Variants in BICC1 observed in about 807,000 individuals in gnomAD.
The protein encoded by BICC1 is protein bicaudal C homolog 1.
A neutral mutation model predicts 111.0 loss-of-function variants in BICC1; 43 were observed. The observed-to-expected ratio is 0.39, with a 90% CI of 0.30 to 0.50. The LOEUF is 0.50. BICC1 is among the 20% of genes least tolerant of loss of function. BICC1 has a pLI of 0.88. For missense variants in BICC1, 1,091 were observed against 1,203.2 expected (o/e 0.91, Z 1.38); for synonymous variants, 467 against 434.4 (o/e 1.07, Z -0.93).
intron 17 of BICC1, among the ~76,000 whole-genome samples, chr10:58,808,075 C>CTTTT (rs112775737): frequency 1.5e-3 from 213 of 142,746 alleles, no homozygotes; most frequent in African/African-American, 4.8e-3. Flanking sequence ...AAACATGCTG[C>CTTTT]TTTTTTTTTT....
intron 1 of BICC1, among the ~76,000 whole-genome samples, chr10:58,606,612 C>G (rs978213618): frequency 1.3e-5 from 2 of 152,076 alleles, no homozygotes; most frequent in Admixed American, 6.5e-5. Flanking sequence ...AAGCTTTACT[C>G]TCTTGTCATA....
chr10:58,646,902 C>G (rs1282347365), intron 2 of BICC1, among the ~76,000 whole-genome samples: 1 of 151,918 alleles, frequency 6.6e-6, no homozygotes, highest in Non-Finnish European at 1.5e-5. Context: ...GGAAACATAG[C>G]CTTTTTCCTT....
chr10:58,595,101 A>C (rs562401630), intron 1 of BICC1, among the ~76,000 whole-genome samples: 180 of 152,184 alleles, frequency 1.2e-3, no homozygotes, highest in Non-Finnish European at 2.3e-3. Context: ...TTAAACCAAC[A>C]AAGATCAAAA....
At chr10:58,610,243 AGAT>A (rs1215920412) in intron 1 of BICC1, among the ~76,000 whole-genome samples, 1 of 152,182 alleles carries the variant, frequency 6.6e-6, no homozygotes, top group African/African-American at 2.4e-5. Flanking sequence ...AAAATCCCCT[AGAT>A]GAGAGAATGC....
intron 2 of BICC1, among the ~76,000 whole-genome samples, chr10:58,683,029 G>A (rs1330502208): frequency 6.6e-6 from 1 of 152,224 alleles, no homozygotes; most frequent in Admixed American, 6.5e-5. Flanking sequence ...TAACAATTAA[G>A]TCTTTAATCC....
chr10:58,517,543 G>C (rs1459996587), intron 1 of BICC1, among the ~76,000 whole-genome samples: 2 of 152,156 alleles, frequency 1.3e-5, no homozygotes, highest in African/African-American at 4.8e-5. Context: ...TGAAAGTGAA[G>C]ATAAAGAGTA....
At chr10:58,658,256 C>G (rs1426449712) in intron 2 of BICC1, among the ~76,000 whole-genome samples, 2 of 152,118 alleles carry the variant, frequency 1.3e-5, no homozygotes, top group African/African-American at 4.8e-5. Flanking sequence ...GGTGTGATCT[C>G]TGTTCACTGC....
chr10:58,518,965 T>C (rs1842319509), intron 1 of BICC1, among the ~76,000 whole-genome samples: 1 of 152,184 alleles, frequency 6.6e-6, no homozygotes, highest in South Asian at 2.1e-4. Flanking sequence ...AGGTTTGTTA[T>C]ACCAATGACT....
intron 2 of BICC1, among the ~76,000 whole-genome samples, chr10:58,691,013 A>AG (rs1403847713): frequency 6.6e-6 from 1 of 152,176 alleles, no homozygotes; most frequent in Non-Finnish European, 1.5e-5. Context: ...CGACATAAGA[A>AG]GGTGTACATA....
intron 3 of BICC1, among the ~76,000 whole-genome samples, chr10:58,714,858 A>G (rs1315165190): frequency 6.6e-6 from 1 of 150,472 alleles, no homozygotes; most frequent in African/African-American, 2.5e-5. Context: ...ACTGTGTGGC[A>G]TTTCTCATTA....
At chr10:58,548,085 G>A (rs1209885891) in intron 1 of BICC1, among the ~76,000 whole-genome samples, 1 of 152,166 alleles carries the variant, frequency 6.6e-6, no homozygotes, top group Non-Finnish European at 1.5e-5. Context: ...ATAAATATTT[G>A]TATTTGTGTC....
chr10:58,668,582 G>C (rs550335288), intron 2 of BICC1, among the ~76,000 whole-genome samples: 1 of 152,224 alleles, frequency 6.6e-6, no homozygotes, highest in Admixed American at 6.5e-5. Context: ...AATGGACATA[G>C]CATGTGACTA....
chr10:58,806,979 C>T (rs1367979450), intron 16 of BICC1, 25 bp from the exon 17 acceptor site: 3 of 1,599,352 alleles, frequency 1.9e-6, no homozygotes, highest in Non-Finnish European at 2.6e-6. Flanking sequence ...ACATACCAAG[C>T]ATTGGTTTTA....
rs1372598457 is a variant in BICC1 at position 58,523,365 on chromosome 10, T to G, written c.190+10032T>G. On this transcript the variant is annotated intron_variant, in intron 1 of 20. Coordinates refer to ENST00000373886, the MANE Select transcript of BICC1 (RefSeq NM_001080512.3). The stretch of plus-strand genomic sequence containing the variant: ...AAAAGCTTATCCACCACGATCAAGT[T>G]GGCTTCATCCCTGGGATTCAAGGCT... Among the ~76,000 whole-genome samples the G allele has an allele frequency of 3.4e-4, 52 of 152,244 alleles. 1 individual carries two copies. The South Asian group carries it at 0.011, about 31-fold the overall frequency.
rs1376323949 is a variant in BICC1, at chr10:58,517,169, G to GT, written c.190+3837dup. ...ATCCCTTCTTTCAGTAGAGAAAATG[G>GT]TAAGTGTTAAAAAGTGGGACCTGTG... On this transcript the variant is annotated intron_variant, in intron 1 of 20. Coordinates refer to ENST00000373886, the MANE Select transcript of BICC1 (RefSeq NM_001080512.3). Among the ~76,000 whole-genome samples the GT allele has an allele frequency of 6.6e-5, 10 of 152,222 alleles. No homozygotes were observed. The East Asian group carries it at 1.9e-3, about 29-fold the overall frequency.
chr10:58,734,588 A>G (rs1254302878), intron 3 of BICC1, among the ~76,000 whole-genome samples: 1 of 152,206 alleles, frequency 6.6e-6, no homozygotes, highest in Non-Finnish European at 1.5e-5. Flanking sequence ...CTTTGTCAAC[A>G]TAATTTTGGG....
At chr10:58,680,900 C>G (rs993823712) in intron 2 of BICC1, among the ~76,000 whole-genome samples, 2 of 152,164 alleles carry the variant, frequency 1.3e-5, no homozygotes, top group Admixed American at 1.3e-4. Context: ...TTTGACAAAC[C>G]TGACAAAAAC....
intron 10 of BICC1, among the ~76,000 whole-genome samples, chr10:58,797,378 A>G (rs1843390050): frequency 6.6e-6 from 1 of 152,124 alleles, no homozygotes; most frequent in South Asian, 2.1e-4. Flanking sequence ...TTTTTTTCCA[A>G]TAGCTATTCT....
intron 9 of BICC1, among the ~76,000 whole-genome samples, chr10:58,795,781 T>C (rs1295851291): frequency 6.6e-6 from 1 of 152,142 alleles, no homozygotes; most frequent in Non-Finnish European, 1.5e-5. Flanking sequence ...TTGCCATAGA[T>C]ATGTCACCAA....
Sources: gnomAD v4.1 joint callset for allele counts (sites outside exome capture counted in the v4.1 genomes callset) on GRCh38, gnomAD v4.1.1 for gene constraint, MANE v1.5 for transcripts, NCBI Gene and HGNC (gene_info 2026-07-23, HGNC 2026-07-21) for gene names.